ZNF469: variants seen among roughly 807,000 people sequenced by gnomAD.
ZNF469 encodes the protein zinc finger protein 469.
In ZNF469, 1 loss-of-function variant was observed where a neutral mutation model predicts 1.0. The observed-to-expected ratio is 1.00, with a 90% CI of 0.35 to 4.73. The LOEUF (loss-of-function observed/expected upper bound fraction) is 4.73. ZNF469 is among the 30% of genes most tolerant of loss of function. The probability of loss-of-function intolerance (pLI) is 0.16; values close to 1 mark genes in which losing one functional copy is unlikely to be tolerated. For synonymous variants in ZNF469, 2,703 were observed against 2,363.4 expected (o/e 1.14, Z -4.17); for missense variants, 6,100 against 5,356.3 (o/e 1.14, Z -4.33).
chr16:88,307,555 C>T, the ZNF469 span, among the ~76,000 whole-genome samples: 2 of 152,190 alleles, frequency 1.3e-5, no homozygotes, highest in Non-Finnish European at 2.9e-5. Context: ...TGTGAAGTGG[C>T]ATCTCATTGT....
At chr16:88,290,217 G>C in the ZNF469 span, among the ~76,000 whole-genome samples, 2 of 152,238 alleles carry the variant, frequency 1.3e-5, no homozygotes, top group Non-Finnish European at 2.9e-5. Flanking sequence ...GCATCTGCCT[G>C]GCTGCAGATT....
Position 88,432,225 on chromosome 16 carries a change from G to T in ZNF469, c.4755G>T (p.Pro1585=), listed in dbSNP as rs370447132. 12 of 1,549,688 alleles carry T rather than the reference G, an allele frequency of 7.7e-6. No homozygotes were observed. Among genetic ancestry groups the T allele is most frequent in the Non-Finnish European group, 8.7e-6 (10 of 1,146,990 alleles). The change falls in exon 3 of 3, where the codon CCG becomes CCT. Residue 1585 remains proline (P), a synonymous_variant. Transcript: ENST00000565624. The part of the protein sequence containing the change: ...LQRSKDTRGA[P]RELAEAESVG... ...GGAGCAAAGACACACGTGGGGCCCC[G>T]AGAGAGCTTGCAGAAGCTGAGTCGG...
rs933811212 is a variant in ZNF469, at chr16:88,435,731, G to A, written c.8261G>A (p.Gly2754Glu). Residue 2754 changes from glycine to glutamate, a missense_variant, in exon 3 of 3, where the codon GGG (glycine) becomes GAG (glutamate). Physicochemically the swap from Gly to Glu is moderately conservative, Grantham distance 98. Coordinates refer to ENST00000565624, the MANE Select transcript of ZNF469 (RefSeq NM_001367624.2). ...PTGQKGASAR[G>E]FWGPRETKAL... ...GGGCAGAAGGGAGCCTCGGCAAGGG[G>A]GTTCTGGGGACCAAGAGAGACCAAG... is the stretch of plus-strand genomic sequence containing the variant. The A allele has an allele frequency of 2.6e-6, 4 of 1,550,864 alleles. 1 individual carries two copies. The East Asian group carries it at 9.8e-5, about 38-fold the overall frequency.
chr16:88,131,918 T>G, the ZNF469 span, among the ~76,000 whole-genome samples: 1 of 152,102 alleles, frequency 6.6e-6, no homozygotes. Context: ...CCGCTCTGGG[T>G]GGGATGCTGC....
At chr16:88,184,845 C>T in the ZNF469 span, among the ~76,000 whole-genome samples, 1 of 152,354 alleles carries the variant, frequency 6.6e-6, no homozygotes, top group East Asian at 1.9e-4. Context: ...CTCGGGCTGG[C>T]TTGTGCGGGG....
chr16:88,169,776 C>A, the ZNF469 span, among the ~76,000 whole-genome samples: 2 of 152,224 alleles, frequency 1.3e-5, no homozygotes, highest in East Asian at 1.9e-4. This position sits in a 1 kb window ranked among gnomAD's most constrained non-coding sequence, Gnocchi z 6.1. Flanking sequence ...GCATGTTGAA[C>A]AAACCCTTCT....
chr16:88,201,539 A>G, the ZNF469 span, among the ~76,000 whole-genome samples: 1 of 152,116 alleles, frequency 6.6e-6, no homozygotes, highest in Non-Finnish European at 1.5e-5. The surrounding 1 kb of genome is among the most constrained non-coding windows in gnomAD (Gnocchi z 5.0). Flanking sequence ...TGAGTGAGAG[A>G]GTGAGACTCT....
At chr16:88,228,813 A>T in the ZNF469 span, among the ~76,000 whole-genome samples, 16 of 152,290 alleles carry the variant, frequency 1.1e-4, no homozygotes, top group East Asian at 3.1e-3. Context: ...TGCCTGTGTC[A>T]GATGTCATAA....
the ZNF469 span, among the ~76,000 whole-genome samples, chr16:88,347,461 G>A: frequency 0.046 from 7,053 of 152,146 alleles, 532 homozygotes; most frequent in African/African-American, 0.16. Flanking sequence ...AGACAGTGTC[G>A]CCAAGCCCAG....
chr16:88,266,147 C>T, the ZNF469 span, among the ~76,000 whole-genome samples: 15 of 152,220 alleles, frequency 9.9e-5, no homozygotes, highest in African/African-American at 3.1e-4. Context: ...GGGTCAGCAG[C>T]GTGTGAGGCT....
chr16:88,121,241 G>GT, the ZNF469 span, among the ~76,000 whole-genome samples: 1 of 82,716 alleles, frequency 1.2e-5, no homozygotes, highest in Middle Eastern at 4.8e-3. Context: ...GGAGGTTGGG[G>GT]GGTGGGGGCG....
the ZNF469 span, among the ~76,000 whole-genome samples, chr16:88,264,189 C>G: frequency 6.6e-6 from 1 of 152,120 alleles, no homozygotes; most frequent in African/African-American, 2.4e-5. Context: ...GCTCCTGGGT[C>G]CTCAGGCCCC....
chr16:88,395,973 A>G (rs1904646877), intron 1 of ZNF469, among the ~76,000 whole-genome samples: 1 of 152,184 alleles, frequency 6.6e-6, no homozygotes, highest in African/African-American at 2.4e-5. Context: ...ACTGCAGGTG[A>G]CGCCCTCCCA....
intron 1 of ZNF469, among the ~76,000 whole-genome samples, chr16:88,390,721 G>C (rs2142264564): frequency 6.6e-6 from 1 of 152,344 alleles, no homozygotes; most frequent in South Asian, 2.1e-4. Context: ...GCCAGTGTGT[G>C]AGGATCCTAT....
At chr16:88,375,164 G>A in the ZNF469 span, among the ~76,000 whole-genome samples, 1 of 152,222 alleles carries the variant, frequency 6.6e-6, no homozygotes, top group Non-Finnish European at 1.5e-5. Context: ...TGGAAATTTG[G>A]GAACTTGTGA....
the ZNF469 span, among the ~76,000 whole-genome samples, chr16:88,275,075 G>T: frequency 6.6e-6 from 1 of 152,244 alleles, no homozygotes; most frequent in African/African-American, 2.4e-5. Flanking sequence ...CCATGTCTGT[G>T]GGCTGGAGAG....
rs1249911847 is a variant in ZNF469, at chr16:88,430,729, C to T, written c.3259C>T (p.Arg1087Cys). The T allele has an allele frequency of 7.3e-6, 11 of 1,499,134 alleles. No homozygotes were observed. Among genetic ancestry groups the T allele is most frequent in the East Asian group, 5.1e-5 (2 of 39,204 alleles). 92.9% of individuals were successfully genotyped at this position (1,499,134 alleles called of 1,614,324 possible). Residue 1087 changes from arginine to cysteine, a missense_variant, in exon 3 of 3, where the codon CGC becomes TGC. By Grantham distance (180) the Arg-to-Cys change is radical (BLOSUM62 -3). Transcript: ENST00000565624. ...AGRPRPGAED[R>C]RLREYDFASE... ...GAGGCCCCGGCCCGGAGCTGAGGAC[C>T]GCAGGCTCCGCGAGTACGACTTCGC...
At chr16:88,338,679 C>T in the ZNF469 span, among the ~76,000 whole-genome samples, 3 of 152,126 alleles carry the variant, frequency 2.0e-5, no homozygotes, top group East Asian at 5.8e-4. Context: ...TTTGCAGGTG[C>T]AATTAGTTAA....
At chr16:88,250,481 G>A in the ZNF469 span, among the ~76,000 whole-genome samples, 5 of 151,982 alleles carry the variant, frequency 3.3e-5, no homozygotes, top group Middle Eastern at 3.2e-3. Flanking sequence ...TATCCTGCCC[G>A]GGCTTCACTG....
Sources: allele counts gnomAD v4.1 joint callset (sites outside exome capture counted in the v4.1 genomes callset), GRCh38; gene constraint gnomAD v4.1.1; non-coding constraint Gnocchi (gnomAD v3.1); transcripts MANE v1.5; gene names NCBI Gene and HGNC (gene_info 2026-07-23, HGNC 2026-07-21).